Variants in KLHDC10 observed in about 807,000 individuals in gnomAD.
KLHDC10 encodes the protein kelch domain containing 10.
A neutral mutation model predicts 56.1 loss-of-function variants in KLHDC10; 24 were observed. That is an observed-to-expected ratio of 0.43 (90% CI 0.31 to 0.60). The LOEUF is 0.60. Among genes scored for constraint, KLHDC10 ranks in the 20% least tolerant of loss-of-function variants. The probability of loss-of-function intolerance (pLI) is 0.11; values close to 1 mark genes in which losing one functional copy is unlikely to be tolerated. For synonymous variants in KLHDC10, 188 were observed against 207.1 expected, an observed-to-expected ratio of 0.91 and a Z score of 0.79; for missense variants, 349 against 567.0, an observed-to-expected ratio of 0.62 and a Z score of 3.91.
intron 1 of KLHDC10, among the ~76,000 whole-genome samples, chr7:130,081,624 A>G (rs1261639670): frequency 1.3e-5 from 2 of 152,188 alleles, no homozygotes; most frequent in African/African-American, 2.4e-5. Flanking sequence ...CGGCATTTTG[A>G]TAATGTTAAG....
intron 8 of KLHDC10, among the ~76,000 whole-genome samples, chr7:130,128,885 AAAAAATATATATAT>A (rs1563107586): frequency 1.4e-5 from 1 of 69,616 alleles, no homozygotes; most frequent in African/African-American, 6.8e-5. Context: ...TAAAAAAAAA[AAAAAATATATATAT>A]ATATATATAT....
At chr7:130,106,375 G>A (rs113802805) in intron 2 of KLHDC10, among the ~76,000 whole-genome samples, 2,157 of 152,114 alleles carry the variant, frequency 0.014, 44 homozygotes, top group African/African-American at 0.049. Flanking sequence ...ATAAGATACA[G>A]ATCTTTGTAG....
At chr7:130,073,115 C>T (rs1051785957) in intron 1 of KLHDC10, among the ~76,000 whole-genome samples, 5 of 150,884 alleles carry the variant, frequency 3.3e-5, no homozygotes. Context: ...ACATCTGTAA[C>T]CCCAGCACTT....
At chr7:130,115,583 C>T (rs747777751) in intron 2 of KLHDC10, among the ~76,000 whole-genome samples, 4 of 151,714 alleles carry the variant, frequency 2.6e-5, no homozygotes, top group Admixed American at 6.6e-5. Context: ...GGCATGGTGG[C>T]GGGCACCTAT....
intron 3 of KLHDC10, among the ~76,000 whole-genome samples, chr7:130,117,207 C>G (rs1180072795): frequency 6.6e-6 from 1 of 152,178 alleles, no homozygotes; most frequent in African/African-American, 2.4e-5. Flanking sequence ...CCATCTGAGC[C>G]TTCAGCGAGT....
chr7:130,090,123 T>TGCCC (rs1228767260), intron 1 of KLHDC10, among the ~76,000 whole-genome samples: 1 of 152,178 alleles, frequency 6.6e-6, no homozygotes, highest in African/African-American at 2.4e-5. Flanking sequence ...TCAGGTGATC[T>TGCCC]GCCCGCCTTG....
intron 2 of KLHDC10, among the ~76,000 whole-genome samples, chr7:130,098,510 T>A (rs1795883398): frequency 1.3e-5 from 2 of 152,050 alleles, no homozygotes; most frequent in African/African-American, 2.4e-5. Flanking sequence ...AGAAAAAAAA[T>A]TAGATGATTT....
chr7:130,093,558 C>T (rs1256052702), intron 1 of KLHDC10, among the ~76,000 whole-genome samples: 2 of 152,114 alleles, frequency 1.3e-5, no homozygotes, highest in African/African-American at 2.4e-5. Context: ...GAAGCTATCA[C>T]GTAGGAAGGT....
intron 2 of KLHDC10, 53 bp downstream of exon 2, chr7:130,097,060 T>C: frequency 8.2e-7 from 1 of 1,224,474 alleles, no homozygotes; most frequent in Non-Finnish European, 1.1e-6. Context: ...AAGGGAACTT[T>C]GAATGAATTT....
intron 1 of KLHDC10, among the ~76,000 whole-genome samples, chr7:130,084,860 C>A (rs1373235620): frequency 6.6e-6 from 1 of 151,320 alleles, no homozygotes; most frequent in Non-Finnish European, 1.5e-5. Context: ...AGATCTGAAG[C>A]AGCAGGATTG....
chr7:130,078,020 A>G (rs1245192328), intron 1 of KLHDC10, among the ~76,000 whole-genome samples: 1 of 151,984 alleles, frequency 6.6e-6, no homozygotes, highest in Non-Finnish European at 1.5e-5. Flanking sequence ...CTAAATAATC[A>G]TATCATTACT....
chr7:130,083,542 T>C (rs529465564), intron 1 of KLHDC10, among the ~76,000 whole-genome samples: 1 of 152,324 alleles, frequency 6.6e-6, no homozygotes. Flanking sequence ...CATTTCTTCT[T>C]TCTAAAGTGC....
intron 2 of KLHDC10, among the ~76,000 whole-genome samples, chr7:130,106,687 A>G (rs117142237): frequency 6.6e-6 from 1 of 152,330 alleles, no homozygotes; most frequent in Non-Finnish European, 1.5e-5. Context: ...TTTGAATACA[A>G]ACTTTGTGTT....
At chr7:130,094,500 TA>T (rs1795823165) in intron 1 of KLHDC10, among the ~76,000 whole-genome samples, 1 of 151,988 alleles carries the variant, frequency 6.6e-6, no homozygotes, top group Non-Finnish European at 1.5e-5. Flanking sequence ...AAGACCATCA[TA>T]AAGGGGAAAA....
intron 1 of KLHDC10, among the ~76,000 whole-genome samples, chr7:130,085,108 G>A (rs1029845395): frequency 2.0e-4 from 31 of 151,984 alleles, no homozygotes; most frequent in African/African-American, 6.8e-4. Flanking sequence ...CACTTTGGGA[G>A]GCCGAGACGA....
intron 2 of KLHDC10, among the ~76,000 whole-genome samples, chr7:130,103,406 C>T (rs1203893904): frequency 7.8e-6 from 1 of 128,374 alleles, no homozygotes; most frequent in East Asian, 2.3e-4. Context: ...GCCTGGGTTA[C>T]AGAGCAAGAC....
rs1486497747 is a variant in KLHDC10, at chr7:130,081,063, A to T, written c.166+10254A>T. ...ACCCAGGCTGGAGTGCAGTGGCGTG[A>T]TCTTGGCTCACTGCAAACTCTGCCC... On this transcript the variant is annotated intron_variant, in intron 1 of 9. Transcript: ENST00000335420. 2.2e-5 allele frequency among the ~76,000 whole-genome samples: 3 copies of T among 134,780 alleles called. No individual in the cohort carries two copies. In the East Asian group the frequency reaches 6.4e-4, roughly 29 times the overall value. The allele number at this position is 134,780 out of a possible 152,430, so 88.4% of individuals were successfully genotyped here.
chr7:130,128,627 A>C lies in KLHDC10; in HGVS notation c.980-810A>C, dbSNP rs564176006. 2.0e-5 allele frequency among the ~76,000 whole-genome samples: 3 copies of C among 152,204 alleles called. No homozygotes were observed. The East Asian group carries it at 5.8e-4, about 29-fold the overall frequency. On this transcript the variant is annotated intron_variant, in intron 8 of 9. Coordinates refer to ENST00000335420, the MANE Select transcript of KLHDC10 (RefSeq NM_014997.4). Reference sequence around the variant, plus strand: ...GTTCCTCCTCAGGTTAAATGTCTACATAGAGACTTTAGTCTCTGCGAGCAG... The same window carrying C: ...GTTCCTCCTCAGGTTAAATGTCTACCTAGAGACTTTAGTCTCTGCGAGCAG...
At chr7:130,096,794 G>T in intron 1 of KLHDC10, 127 bp from the exon 2 acceptor site, 2 of 580,772 alleles carry the variant, frequency 3.4e-6, no homozygotes, top group Admixed American at 3.2e-5. Flanking sequence ...GCTACTTTAC[G>T]TCACTTTCTT....
Sources: allele counts gnomAD v4.1 joint callset (sites outside exome capture counted in the v4.1 genomes callset), GRCh38; gene constraint gnomAD v4.1.1; transcripts MANE v1.5; gene names NCBI Gene and HGNC (gene_info 2026-07-23, HGNC 2026-07-21).